TMEM129: variants seen among roughly 807,000 people sequenced by gnomAD.
TMEM129 encodes E3 ubiquitin-protein ligase TM129.
In TMEM129, 35 loss-of-function variants were observed where a neutral mutation model predicts 34.1. The ratio of observed to expected loss-of-function variants is 1.03; its 90% CI spans 0.78 to 1.36. The LOEUF is 1.36. Among genes scored for constraint, TMEM129 ranks in the 40% most tolerant of loss-of-function variants. The pLI, the probability that TMEM129 is intolerant of heterozygous loss-of-function variation, is 0.00. For synonymous variants in TMEM129, 239 were observed against 217.3 expected, an observed-to-expected ratio of 1.10 and a Z score of -0.88; for missense variants, 504 against 512.6, an observed-to-expected ratio of 0.98 and a Z score of 0.16.
At position 1,720,991 on chromosome 4, in the gene TMEM129, C is replaced by CG. The variant is rs1341115155; in HGVS notation, c.-155dup. The CG allele has an allele frequency of 4.7e-5, 16 of 340,484 alleles. No homozygotes were observed. In the East Asian group the frequency reaches 7.0e-4, roughly 15 times the overall value. The allele number at this position is 340,484 out of a possible 1,614,324, so 21.1% of individuals were successfully genotyped here. ...TGGAGTCCCGCCGCCCGGCCGCCCGCGGGGCACTCTAGGACATGGAGTCCC... is the reference window on the plus strand; with the variant it reads ...TGGAGTCCCGCCGCCCGGCCGCCCGCGGGGGCACTCTAGGACATGGAGTCCC... On this transcript the variant is annotated 5_prime_UTR_variant, in exon 1 of 4. Transcript: ENST00000382936. This position sits in a 1 kb window ranked among gnomAD's most constrained non-coding sequence, Gnocchi z 4.4.
rs1379462519 is a variant in TMEM129 at position 1,716,764 on chromosome 4, A to C, written c.*416T>G. On this transcript the variant is annotated 3_prime_UTR_variant, in exon 4 of 4. Transcript: ENST00000382936. ...GGGGCCAGCTCCAGGACAGGGCAGG[A>C]GAATGCGGTCCAGGTCTGGCACGTA... 1.2e-5 allele frequency: 2 copies of C among 170,248 alleles called. No individual in the cohort carries two copies. Among genetic ancestry groups the C allele is most frequent in the Non-Finnish European group, 2.5e-5 (2 of 80,400 alleles). The allele number at this position is 170,248 out of a possible 1,614,324, so 10.5% of individuals were successfully genotyped here. A position where few individuals can be genotyped will look rare whatever the true frequency, so the allele number is the denominator to read the frequency against.
rs1717260713 is a variant in TMEM129 at position 1,720,608 on chromosome 4, G to C, written c.205+25C>G. ...GCAAGCCCTGCGCAGGAGAGGATGC[G>C]GCCGGCCGGCCCGAGCAGCCTCACC... On this transcript the variant is annotated intron_variant, in intron 1 of 3. Coordinates refer to ENST00000382936, the MANE Select transcript of TMEM129 (RefSeq NM_001127266.2). This position sits in a 1 kb window ranked among gnomAD's most constrained non-coding sequence, Gnocchi z 4.4. 6.5e-7 allele frequency: 1 copy of C among 1,528,768 alleles called. No individual in the cohort carries two copies. The highest frequency in any genetic ancestry group is 1.4e-5 in the African/African-American group (1 of 72,592). 94.7% of individuals were successfully genotyped at this position (1,528,768 alleles called of 1,614,324 possible).
At position 1,718,248 on chromosome 4, in the gene TMEM129, C is replaced by A. The variant is rs1323489235; in HGVS notation, c.584G>T (p.Arg195Leu). Residue 195 changes from arginine to leucine, a missense_variant, in exon 2 of 4, where the codon CGG becomes CTG. Transcript: ENST00000382936. ...CGAGTCTGGCGAGAGCTCATGCTGCCGAGACTCCGTCACAGTCAGGTGCAC... is the reference window on the plus strand; with the variant it reads ...CGAGTCTGGCGAGAGCTCATGCTGCAGAGACTCCGTCACAGTCAGGTGCAC... ...QDVHLTVTESRQHELSPDSNL... is the reference protein window; with the variant it reads ...QDVHLTVTESLQHELSPDSNL... 6.2e-7 allele frequency: 1 copy of A among 1,608,050 alleles called. No homozygotes were observed.
At position 1,718,427 on chromosome 4, in the gene TMEM129, C is replaced by G. The variant is rs1717094844; in HGVS notation, c.405G>C (p.Gln135His). 6.3e-7 allele frequency: 1 copy of G among 1,596,070 alleles called. No homozygotes were observed. Among genetic ancestry groups the G allele is most frequent in the African/African-American group, 1.3e-5 (1 of 74,592 alleles). Residue 135 changes from glutamine to histidine, a missense_variant, in exon 2 of 4, where the codon CAG (glutamine) becomes CAC (histidine). Transcript: ENST00000382936. Reference sequence around the variant, plus strand: ...AGGAGGCAACAGCCTGCCAGCCAGACTGTGGGAGGGCGTAGAGGGCCAGGG... The same window carrying G: ...AGGAGGCAACAGCCTGCCAGCCAGAGTGTGGGAGGGCGTAGAGGGCCAGGG... ...ARTLALYALPQSGWQAVASSV... is the reference protein window; with the variant it reads ...ARTLALYALPHSGWQAVASSV...
At position 1,720,438 on chromosome 4, in the gene TMEM129, C is replaced by G. The variant is rs1363672466; in HGVS notation, c.205+195G>C. Among the ~76,000 whole-genome samples, 2 of 152,266 alleles carry G rather than the reference C, an allele frequency of 1.3e-5. No homozygotes were observed. The highest frequency in any genetic ancestry group is 1.3e-4 in the Admixed American group (2 of 15,292). The stretch of plus-strand genomic sequence containing the variant: ...AGGTTCTGAACTTGGGTTCCCGTCA[C>G]CTGCAAGTCAGTGCCGGCGGCGCCC... On this transcript the variant is annotated intron_variant, in intron 1 of 3. Transcript: ENST00000382936. This position sits in a 1 kb window ranked among gnomAD's most constrained non-coding sequence, Gnocchi z 4.4.
chr4:1,719,395 C>T (rs796494089), intron 1 of TMEM129, among the ~76,000 whole-genome samples: 8 of 152,122 alleles, frequency 5.3e-5, no homozygotes, highest in African/African-American at 1.9e-4. Flanking sequence ...CTAAAAAATA[C>T]AAAAAATTAG....
Position 1,717,524 on chromosome 4 carries a change from T to C in TMEM129, c.832A>G (p.Ser278Gly), listed in dbSNP as rs912167470. The C allele has an allele frequency of 3.2e-5, 49 of 1,527,060 alleles. No individual in the cohort carries two copies. Among genetic ancestry groups the C allele is most frequent in the Non-Finnish European group, 4.1e-5 (46 of 1,131,776 alleles). 94.6% of individuals were successfully genotyped at this position (1,527,060 alleles called of 1,614,324 possible). ...TGGCCCAGGCCCCCCACCTGGCTGC[T>C]GGGCACTGAGTAGGCCGGGTTGACC... Reference protein sequence around the residue: ...VEVNPAYSVPSSQELEACIGC... With the variant: ...VEVNPAYSVPGSQELEACIGC... The change falls in exon 3 of 4, where the codon AGC (serine) becomes GGC (glycine). Residue 278 changes from serine to glycine, a missense_variant. Coordinates refer to ENST00000382936, the MANE Select transcript of TMEM129 (RefSeq NM_001127266.2).
chr4:1,717,232 C>A lies in TMEM129; in HGVS notation c.1037G>T (p.Cys346Phe). 1 of 1,504,358 alleles carries A rather than the reference C, an allele frequency of 6.6e-7. No homozygotes were observed. The highest frequency in any genetic ancestry group is 8.9e-7 in the Non-Finnish European group (1 of 1,119,990). 93.2% of individuals were successfully genotyped at this position (1,504,358 alleles called of 1,614,324 possible). ...GCAGAAGCGTGCGCGGCAGGTGGGG[C>A]AGGGCACGCGGCTGGCCAGCCAGGT... is the stretch of plus-strand genomic sequence containing the variant. Reference protein sequence around the residue: ...PDTWLASRVPCPTCRARFCIL... With the variant: ...PDTWLASRVPFPTCRARFCIL... Residue 346 changes from cysteine to phenylalanine, a missense_variant, in exon 4 of 4, where the codon TGC (cysteine) becomes TTC (phenylalanine). By Grantham distance (205) the Cys-to-Phe change is radical. Transcript: ENST00000382936.
At position 1,720,587 on chromosome 4, in the gene TMEM129, G is replaced by A. The variant is rs894076090; in HGVS notation, c.205+46C>T. 1.3e-6 allele frequency: 2 copies of A among 1,512,068 alleles called. No individual in the cohort carries two copies. Among genetic ancestry groups the A allele is most frequent in the East Asian group, 2.5e-5 (1 of 40,152 alleles). The allele number at this position is 1,512,068 out of a possible 1,614,324, so 93.7% of individuals were successfully genotyped here. Reference sequence around the variant, plus strand: ...AGGCCTCCTCCTGACCTCCCAGCAAGCCCTGCGCAGGAGAGGATGCGGCCG... The same window carrying A: ...AGGCCTCCTCCTGACCTCCCAGCAAACCCTGCGCAGGAGAGGATGCGGCCG... On this transcript the variant is annotated intron_variant, in intron 1 of 3. Transcript: ENST00000382936. The surrounding 1 kb of genome is among the most constrained non-coding windows in gnomAD (Gnocchi z 4.4).
In TMEM129 at chr4:1,718,602, G is replaced by T. The variant is rs1029861329; in HGVS notation, c.230C>A (p.Ala77Glu). Residue 77 changes from alanine to glutamate, a missense_variant, in exon 2 of 4, where the codon GCG becomes GAG. Ala to Glu is a moderately radical substitution (Grantham distance 107). Coordinates refer to ENST00000382936, the MANE Select transcript of TMEM129 (RefSeq NM_001127266.2). ...GGCGTGGAGCCGCTTTTCTGAAGCC[G>T]CAAGGCACATGCCCACATAGTAGCC... ...PLGYYVGMCL[A>E]ASEKRLHALS... 2.1e-6 allele frequency: 3 copies of T among 1,458,712 alleles called. No individual in the cohort carries two copies. Among genetic ancestry groups the T allele is most frequent in the East Asian group, 5.0e-5 (2 of 40,192 alleles). 90.4% of individuals were successfully genotyped at this position (1,458,712 alleles called of 1,614,324 possible).
intron 1 of TMEM129, chr4:1,719,292 A>T: frequency 2.2e-6 from 1 of 451,248 alleles, no homozygotes; most frequent in Admixed American, 2.4e-5. Flanking sequence ...AGTGGCTCAC[A>T]CCTGTAATCC....
At position 1,717,688 on chromosome 4, in the gene TMEM129, G is replaced by C; in HGVS notation, c.681-13C>G. Reference sequence around the variant, plus strand: ...AGTGGAGTTCAGCCTGCAGGGAGGAGAGCTGCTGGGCCCCTCTGCAGGGCA... The same window carrying C: ...AGTGGAGTTCAGCCTGCAGGGAGGACAGCTGCTGGGCCCCTCTGCAGGGCA... On this transcript the variant is annotated splice_polypyrimidine_tract_variant and intron_variant, in intron 2 of 3. Coordinates refer to ENST00000382936, the MANE Select transcript of TMEM129 (RefSeq NM_001127266.2). The C allele has an allele frequency of 6.7e-7, 1 of 1,491,440 alleles. No homozygotes were observed. The highest frequency in any genetic ancestry group is 9.0e-7 in the Non-Finnish European group (1 of 1,114,532). The allele number at this position is 1,491,440 out of a possible 1,614,324, so 92.4% of individuals were successfully genotyped here.
rs991686619 is a variant in TMEM129, at chr4:1,717,961, G to T, written c.680+191C>A. 69 of 676,942 alleles carry T rather than the reference G, an allele frequency of 1.0e-4. No individual in the cohort carries two copies. In the African/African-American group the frequency reaches 1.1e-3, roughly 10 times the overall value. The allele number at this position is 676,942 out of a possible 1,614,324, so 41.9% of individuals were successfully genotyped here. ...GAAGGGGAGGCCAAGAGTGCAGGGG[G>T]ACCCGAGGGAGGGCTATGCGGGAGG... is the stretch of plus-strand genomic sequence containing the variant. On this transcript the variant is annotated intron_variant, in intron 2 of 3. Transcript: ENST00000382936.
Position 1,720,510 on chromosome 4 carries a change from C to A in TMEM129, c.205+123G>T. The A allele has an allele frequency of 4.8e-6, 6 of 1,253,882 alleles. No individual in the cohort carries two copies. Among genetic ancestry groups the A allele is most frequent in the Non-Finnish European group, 6.4e-6 (6 of 935,730 alleles). The allele number at this position is 1,253,882 out of a possible 1,614,324, so 77.7% of individuals were successfully genotyped here. ...CGCGGTCCCTCTGGATGAGGACCGG[C>A]GCCTCTCCCCAGCTGCGCCCAGGCG... On this transcript the variant is annotated intron_variant, in intron 1 of 3. Transcript: ENST00000382936. This position sits in a 1 kb window ranked among gnomAD's most constrained non-coding sequence, Gnocchi z 4.4.
rs780186813 is a variant in TMEM129, at chr4:1,720,771, G to A, written c.67C>T (p.Pro23Ser). The change falls in exon 1 of 4, where the codon CCC becomes TCC. Residue 23 changes from proline to serine, a missense_variant. Transcript: ENST00000382936. The surrounding 1 kb of genome is among the most constrained non-coding windows in gnomAD (Gnocchi z 4.4). ...AGCCCCGCCGCGTGGAACTCGTTGG[G>A]CGTGAACACGAAGCACACGGCGAAC... ...LVFAVCFVFT[P>S]NEFHAAGLTV... 5 of 1,592,708 alleles carry A rather than the reference G, an allele frequency of 3.1e-6. No individual in the cohort carries two copies. The highest frequency in any genetic ancestry group is 1.3e-5 in the African/African-American group (1 of 74,224).
rs763207694 is a variant in TMEM129 at position 1,718,479 on chromosome 4, C to A, written c.353G>T (p.Arg118Leu). The A allele has an allele frequency of 1.9e-6, 3 of 1,552,356 alleles. No homozygotes were observed. Among genetic ancestry groups the A allele is most frequent in the Non-Finnish European group, 2.6e-6 (3 of 1,146,480 alleles). ...GCGCGCCAGTGGGTGGCAGGCCCACCGGTCACGGGACCAGTAGTAGATCAG... is the reference window on the plus strand; with the variant it reads ...GCGCGCCAGTGGGTGGCAGGCCCACAGGTCACGGGACCAGTAGTAGATCAG... ...CILIYYWSRDRWACHPLARTL... is the reference protein window; with the variant it reads ...CILIYYWSRDLWACHPLARTL... The change falls in exon 2 of 4, where the codon CGG becomes CTG. Residue 118 changes from arginine to leucine, a missense_variant. Coordinates refer to ENST00000382936, the MANE Select transcript of TMEM129 (RefSeq NM_001127266.2).
At chr4:1,718,885 G>C (rs1717125840) in intron 1 of TMEM129, 1 of 1,363,824 alleles carries the variant, frequency 7.3e-7, no homozygotes, top group African/African-American at 1.5e-5. Context: ...CAAAAGCCTA[G>C]AAAGGGAAAA....
intron 1 of TMEM129, among the ~76,000 whole-genome samples, chr4:1,719,972 C>T (rs900204255): frequency 2.6e-5 from 4 of 152,136 alleles, no homozygotes; most frequent in African/African-American, 9.7e-5. Flanking sequence ...GCTGCGTCTG[C>T]CCCCGTGTCC....
Position 1,720,937 on chromosome 4 carries a change from C to A in TMEM129, c.-100G>T. On this transcript the variant is annotated 5_prime_UTR_variant, in exon 1 of 4. Coordinates refer to ENST00000382936, the MANE Select transcript of TMEM129 (RefSeq NM_001127266.2). The surrounding 1 kb of genome is among the most constrained non-coding windows in gnomAD (Gnocchi z 4.4). ...GACCTGTCGGTTGCGGCGGCCGCCG[C>A]CCGGCCGCCCGCGGGGCACTCTAGG... 1 of 1,051,784 alleles carries A rather than the reference C, an allele frequency of 9.5e-7. No individual in the cohort carries two copies. The highest frequency in any genetic ancestry group is 3.3e-5 in the South Asian group (1 of 30,760). 65.2% of individuals were successfully genotyped at this position (1,051,784 alleles called of 1,614,324 possible).
Sources: gnomAD v4.1 joint callset for allele counts (sites outside exome capture counted in the v4.1 genomes callset) on GRCh38, gnomAD v4.1.1 for gene constraint, Gnocchi (gnomAD v3.1) non-coding constraint, MANE v1.5 for transcripts, NCBI Gene and HGNC (gene_info 2026-07-23, HGNC 2026-07-21) for gene names.